The following BANP variants were observed in gnomAD, a reference collection of about 807,000 sequenced individuals.
BANP encodes the protein BTG3 associated nuclear protein.
BANP carries 11 observed loss-of-function variants against 68.1 expected under a neutral mutation model. The observed-to-expected ratio is 0.16, with a 90% CI of 0.10 to 0.27. The LOEUF is 0.27. Among genes scored for constraint, BANP ranks in the 10% least tolerant of loss-of-function variants. The probability of loss-of-function intolerance (pLI) is 1.00; values close to 1 mark genes in which losing one functional copy is unlikely to be tolerated. For missense variants in BANP, 504 were observed against 722.7 expected (o/e 0.70, Z 3.47); for synonymous variants, 329 against 303.2 (o/e 1.09, Z -0.88).
At position 87,999,391 on chromosome 16, in the gene BANP, C is replaced by T. The variant is rs528865202; in HGVS notation, c.363-4904C>T. Among the ~76,000 whole-genome samples, 12 of 137,252 alleles carry T rather than the reference C, an allele frequency of 8.7e-5. No homozygotes were observed. In the South Asian group the frequency reaches 2.0e-3, roughly 23 times the overall value. 90.0% of individuals were successfully genotyped at this position (137,252 alleles called of 152,430 possible). On this transcript the variant is annotated intron_variant, in intron 4 of 13. Transcript: ENST00000682872. ...AGACACGTCTCCATGCACGCACGTG[C>T]GCGGCTGGACTTACCTGTCCTTCCA... is the stretch of plus-strand genomic sequence containing the variant.
In BANP at chr16:88,030,289, A is replaced by G. The variant is rs149980299; in HGVS notation, c.1063+2639A>G. 9.1e-3 allele frequency among the ~76,000 whole-genome samples: 1,382 copies of G among 152,346 alleles called. 24 individuals are homozygous for G. The highest frequency in any genetic ancestry group is 0.032 in the African/African-American group (1,329 of 41,566). ...GGACCCTGTCTGGAATTAACTGACC[A>G]GGACATTGAAATCTATTAAAATTAC... On this transcript the variant is annotated intron_variant, in intron 8 of 13. Transcript: ENST00000682872.
At chr16:87,973,905 G>T (rs933312071) in intron 1 of BANP, among the ~76,000 whole-genome samples, 1 of 152,188 alleles carries the variant, frequency 6.6e-6, no homozygotes. Context: ...TTTCATTCCT[G>T]TTGGGACTTA....
intron 11 of BANP, among the ~76,000 whole-genome samples, chr16:88,062,074 T>C (rs966395723): frequency 1.3e-5 from 2 of 152,230 alleles, no homozygotes; most frequent in African/African-American, 2.4e-5. Flanking sequence ...GATTCAAAGC[T>C]GAATGACAAA....
chr16:87,992,020 T>C (rs1444608377), intron 4 of BANP, among the ~76,000 whole-genome samples: 1 of 152,264 alleles, frequency 6.6e-6, no homozygotes, highest in Non-Finnish European at 1.5e-5. Context: ...TTAATCAGAT[T>C]GAAGAAGTTT....
intron 4 of BANP, among the ~76,000 whole-genome samples, chr16:87,995,921 T>C (rs1405055436): frequency 2.0e-5 from 3 of 152,360 alleles, no homozygotes; most frequent in African/African-American, 4.8e-5. Context: ...CGGGGTGCGC[T>C]TCTCACTTGC....
chr16:88,064,802 G>A lies in BANP; in HGVS notation c.1312-465G>A, dbSNP rs2088029449. ...GGGCACTCCTCTGGCTGGGATAGGA[G>A]ACAGCCAGGACCCCTCAGCTTCTGA... On this transcript the variant is annotated intron_variant, in intron 11 of 13. Coordinates refer to ENST00000682872, the MANE Select transcript of BANP (RefSeq NM_001386991.1). This position sits in a 1 kb window ranked among gnomAD's most constrained non-coding sequence, Gnocchi z 4.5. Among the ~76,000 whole-genome samples, 1 of 152,232 alleles carries A rather than the reference G, an allele frequency of 6.6e-6. No individual in the cohort carries two copies. The highest frequency in any genetic ancestry group is 2.4e-5 in the African/African-American group (1 of 41,468).
At chr16:88,008,180 G>T (rs936628694) in intron 6 of BANP, among the ~76,000 whole-genome samples, 8 of 152,194 alleles carry the variant, frequency 5.3e-5, no homozygotes, top group Admixed American at 2.6e-4. Flanking sequence ...GCTGCGTGAT[G>T]TGCCGAGGTA....
At chr16:88,074,015 C>T (rs952180113) in intron 13 of BANP, among the ~76,000 whole-genome samples, 3 of 152,216 alleles carry the variant, frequency 2.0e-5, no homozygotes, top group Admixed American at 6.5e-5. Context: ...GCGGGTTTGC[C>T]CATCTGAGGC....
chr16:87,981,596 T>C (rs539730163), intron 3 of BANP, among the ~76,000 whole-genome samples: 2 of 152,358 alleles, frequency 1.3e-5, no homozygotes, highest in South Asian at 4.1e-4. Flanking sequence ...GGTATATCAC[T>C]TTAGGATGTG....
In BANP at chr16:87,951,467, A is replaced by T. The variant is rs1000505778; in HGVS notation, c.-117A>T. On this transcript the variant is annotated 5_prime_UTR_variant, in exon 1 of 14. Coordinates refer to ENST00000682872, the MANE Select transcript of BANP (RefSeq NM_001386991.1). Reference sequence around the variant, plus strand: ...GGCTTCTCTCGCGAGGACGGACGCCATTATCGCATCTCCCCGACAAACACC... The same window carrying T: ...GGCTTCTCTCGCGAGGACGGACGCCTTTATCGCATCTCCCCGACAAACACC... The T allele has an allele frequency of 4.6e-5, 7 of 152,010 alleles. No individual in the cohort carries two copies. The highest frequency in any genetic ancestry group is 1.5e-4 in the African/African-American group (6 of 41,290). 9.4% of individuals were successfully genotyped at this position (152,010 alleles called of 1,614,324 possible). A position where few individuals can be genotyped will look rare whatever the true frequency, so the allele number is the denominator to read the frequency against.
chr16:88,072,907 C>G (rs1184466431), intron 13 of BANP, among the ~76,000 whole-genome samples: 2 of 152,262 alleles, frequency 1.3e-5, no homozygotes, highest in Non-Finnish European at 2.9e-5. Context: ...TGTTCTACCT[C>G]CAGCCTGGTG....
chr16:88,034,333 A>G (rs1450219429), intron 9 of BANP, among the ~76,000 whole-genome samples: 8 of 152,364 alleles, frequency 5.3e-5, no homozygotes, highest in South Asian at 2.1e-4. Context: ...TAAGGCTTAC[A>G]TAGAACATTC....
chr16:87,974,331 G>T (rs1043957809), intron 1 of BANP, among the ~76,000 whole-genome samples: 3 of 152,176 alleles, frequency 2.0e-5, no homozygotes, highest in African/African-American at 4.8e-5. Flanking sequence ...CTGGAGGAAA[G>T]CCCCTGACTG....
chr16:88,044,641 T>C (rs1050703794), intron 11 of BANP, among the ~76,000 whole-genome samples: 2 of 152,236 alleles, frequency 1.3e-5, no homozygotes, highest in African/African-American at 4.8e-5. Flanking sequence ...TAGCTGGGAC[T>C]ATCGGTGTGC....
At chr16:88,068,255 A>G (rs958694241) in intron 12 of BANP, among the ~76,000 whole-genome samples, 57 of 152,158 alleles carry the variant, frequency 3.7e-4, no homozygotes, top group African/African-American at 1.3e-3. Context: ...TGCTCGCCCC[A>G]GGCTTGGGTT....
chr16:88,062,043 C>T (rs1011108698), intron 11 of BANP, among the ~76,000 whole-genome samples: 2 of 152,206 alleles, frequency 1.3e-5, no homozygotes, highest in Non-Finnish European at 2.9e-5. Flanking sequence ...ACAGTCTCAG[C>T]CCTCATACCT....
intron 8 of BANP, 47 bp downstream of exon 8, chr16:88,027,697 G>T (rs1293688665): frequency 1.2e-6 from 2 of 1,606,440 alleles, no homozygotes; most frequent in Non-Finnish European, 1.7e-6. Context: ...GCTCGGGGCA[G>T]CTGGCCTGGT....
chr16:87,990,889 A>G (rs917673182), intron 4 of BANP, among the ~76,000 whole-genome samples: 1 of 151,884 alleles, frequency 6.6e-6, no homozygotes, highest in African/African-American at 2.4e-5. Flanking sequence ...CAGCCTCCCC[A>G]CTAGCTGGGA....
chr16:87,985,542 G>A (rs1169206878), intron 4 of BANP, among the ~76,000 whole-genome samples: 3 of 152,044 alleles, frequency 2.0e-5, no homozygotes, highest in Non-Finnish European at 4.4e-5. Flanking sequence ...ACCCTAAAAT[G>A]CAGTTCTTAG....
Sources: gnomAD v4.1 joint callset for allele counts (sites outside exome capture counted in the v4.1 genomes callset) on GRCh38, gnomAD v4.1.1 for gene constraint, Gnocchi (gnomAD v3.1) non-coding constraint, MANE v1.5 for transcripts, NCBI Gene and HGNC (gene_info 2026-07-23, HGNC 2026-07-21) for gene names.